EEA1: variants seen among roughly 807,000 people sequenced by gnomAD.
EEA1 encodes the protein early endosome antigen 1, 162kD.
In EEA1, 111 loss-of-function variants were observed where a neutral mutation model predicts 209.2. That is an observed-to-expected ratio of 0.53 (90% CI 0.45 to 0.62). The LOEUF (loss-of-function observed/expected upper bound fraction) is 0.62, where lower values mean the gene tolerates loss of function less well. Among genes scored for constraint, EEA1 ranks in the 20% least tolerant of loss-of-function variants. EEA1 has a pLI of 0.00. For missense variants in EEA1, 1,343 were observed against 1,530.8 expected (o/e 0.88, Z 2.05); for synonymous variants, 536 against 540.6 (o/e 0.99, Z 0.12).
chr12:92,873,308 G>A (rs1878732288), intron 2 of EEA1, among the ~76,000 whole-genome samples: 1 of 152,182 alleles, frequency 6.6e-6, no homozygotes, highest in Admixed American at 6.5e-5. Context: ...GAAAGACTGA[G>A]AGACTAGATG....
At chr12:92,901,574 T>G (rs1044482858) in intron 1 of EEA1, among the ~76,000 whole-genome samples, 9 of 151,818 alleles carry the variant, frequency 5.9e-5, no homozygotes, top group East Asian at 1.9e-4. Flanking sequence ...ACTTCTTGTT[T>G]TTTTTTTTTT....
Position 92,928,721 on chromosome 12 carries a change from C to T in EEA1, c.24+322G>A, listed in dbSNP as rs1449228816. ...CCCACGGGCACCAACTCTCCATTTT[C>T]ACTCCCACTCAGGGTTCCCGGGAGG... On this transcript the variant is annotated intron_variant, in intron 1 of 28. Transcript: ENST00000322349. Among the ~76,000 whole-genome samples the T allele has an allele frequency of 2.6e-5, 4 of 152,240 alleles. No individual in the cohort carries two copies. The East Asian group carries it at 7.8e-4, about 30-fold the overall frequency.
At chr12:92,799,351 A>T (rs1356379484) in intron 20 of EEA1, among the ~76,000 whole-genome samples, 1 of 151,986 alleles carries the variant, frequency 6.6e-6, no homozygotes, top group Non-Finnish European at 1.5e-5. Flanking sequence ...AATCTTTATT[A>T]TTTTTTTTAA....
At chr12:92,903,430 TC>T (rs1275589313) in intron 1 of EEA1, among the ~76,000 whole-genome samples, 1 of 151,464 alleles carries the variant, frequency 6.6e-6, no homozygotes, top group Non-Finnish European at 1.5e-5. Context: ...AAACCCCATC[TC>T]CACTAAAAAT....
rs528019357 is a variant in EEA1, at chr12:92,787,850, A to C, written c.3150+17T>G. 5.2e-6 allele frequency: 8 copies of C among 1,546,496 alleles called. 2 individuals are homozygous for C. The South Asian group carries it at 6.3e-5, about 12-fold the overall frequency. ...AAAACTTACTGAGACTTTATGGTAC[A>C]GTATAGTTTACTATACCTTAAGATC... On this transcript the variant is annotated intron_variant, in intron 22 of 28. Transcript: ENST00000322349.
In EEA1 at chr12:92,817,321, G is replaced by A. The variant is rs141253651; in HGVS notation, c.1729-921C>T. On this transcript the variant is annotated intron_variant, in intron 14 of 28. Coordinates refer to ENST00000322349, the MANE Select transcript of EEA1 (RefSeq NM_003566.4). ...ACATCCAATAAAATTTTCATTTCACGTTATTTTTGTTTTATCTCTAAAAGT... is the reference window on the plus strand; with the variant it reads ...ACATCCAATAAAATTTTCATTTCACATTATTTTTGTTTTATCTCTAAAAGT... Among the ~76,000 whole-genome samples the A allele has an allele frequency of 9.3e-5, 14 of 150,688 alleles. 1 individual carries two copies. The highest frequency in any genetic ancestry group is 2.9e-4 in the African/African-American group (12 of 41,124).
chr12:92,870,612 T>C (rs1878600020), intron 2 of EEA1, among the ~76,000 whole-genome samples: 1 of 152,174 alleles, frequency 6.6e-6, no homozygotes, highest in Non-Finnish European at 1.5e-5. Flanking sequence ...TCTAACGCTG[T>C]ATATTTTCCT....
chr12:92,788,694 AT>A (rs1452592617), intron 21 of EEA1, among the ~76,000 whole-genome samples: 3 of 152,182 alleles, frequency 2.0e-5, no homozygotes, highest in Non-Finnish European at 4.4e-5. Flanking sequence ...ACTACCTTCA[AT>A]AAAATTGCTG....
intron 2 of EEA1, among the ~76,000 whole-genome samples, chr12:92,865,299 G>C (rs1878329090): frequency 6.6e-6 from 1 of 151,426 alleles, no homozygotes; most frequent in Admixed American, 6.6e-5. Flanking sequence ...GAGAAGATTT[G>C]CCATCATATC....
At chr12:92,792,340 C>T (rs1055653627) in intron 21 of EEA1, among the ~76,000 whole-genome samples, 4 of 152,004 alleles carry the variant, frequency 2.6e-5, no homozygotes, top group Non-Finnish European at 5.9e-5. Flanking sequence ...AATGCAGGAG[C>T]TGGTTTTTTG....
chr12:92,886,736 C>T (rs543812767), intron 2 of EEA1, among the ~76,000 whole-genome samples: 9 of 152,178 alleles, frequency 5.9e-5, no homozygotes, highest in Non-Finnish European at 1.0e-4. Context: ...CGGTGGCTCA[C>T]GCCTGTAATC....
intron 1 of EEA1, among the ~76,000 whole-genome samples, chr12:92,926,221 G>A (rs1246765218): frequency 2.6e-5 from 4 of 151,838 alleles, no homozygotes; most frequent in Non-Finnish European, 5.9e-5. Flanking sequence ...TCGAACTCCC[G>A]ACCTCAGGTG....
At chr12:92,876,763 C>G (rs752645139) in intron 2 of EEA1, among the ~76,000 whole-genome samples, 1 of 147,652 alleles carries the variant, frequency 6.8e-6, no homozygotes, top group South Asian at 2.1e-4. Flanking sequence ...TCGATATGCC[C>G]GGATCAGAGT....
At chr12:92,791,269 A>G (rs1874390707) in intron 21 of EEA1, among the ~76,000 whole-genome samples, 1 of 152,240 alleles carries the variant, frequency 6.6e-6, no homozygotes, top group African/African-American at 2.4e-5. Context: ...ATTCACACAT[A>G]ACAATATTAA....
rs779448623 is a variant in EEA1 at position 92,826,176 on chromosome 12, C to T, written c.1514G>A (p.Arg505Gln). The change falls in exon 13 of 29, where the codon CGA becomes CAA. Residue 505 changes from arginine to glutamine, a missense_variant. Physicochemically the swap from Arg to Gln is conservative, Grantham distance 43 (BLOSUM62 1). Transcript: ENST00000322349. ...GCAACTAATGTTTACCTGAGCTTCT[C>T]GAAGTTTTGCCGTGGTGCTTTGCTG... The part of the protein sequence containing the change: ...ALQQSTTAKL[R>Q]EAQNDLEQVL... The T allele has an allele frequency of 5.0e-6, 8 of 1,613,008 alleles. No homozygotes were observed. Among genetic ancestry groups the T allele is most frequent in the Non-Finnish European group, 5.1e-6 (6 of 1,179,324 alleles).
Position 92,809,382 on chromosome 12 carries a change from T to C in EEA1, c.2200-226A>G, listed in dbSNP as rs936863701. On this transcript the variant is annotated intron_variant, in intron 17 of 28. Transcript: ENST00000322349. ...ATACATGATAGACTGCCACTAAGTG[T>C]TGGTGTTTAAAATTAATTCTGGGCT... Among the ~76,000 whole-genome samples the C allele has an allele frequency of 7.9e-5, 12 of 151,476 alleles. No homozygotes were observed. The East Asian group carries it at 1.2e-3, about 15-fold the overall frequency.
At chr12:92,924,875 A>C (rs1881150555) in intron 1 of EEA1, among the ~76,000 whole-genome samples, 1 of 151,262 alleles carries the variant, frequency 6.6e-6, no homozygotes, top group Non-Finnish European at 1.5e-5. Context: ...AACTACTCAA[A>C]AAGAAAATCA....
chr12:92,823,752 C>CAAATAAGAAA (rs1876167908), intron 13 of EEA1, among the ~76,000 whole-genome samples: 1 of 152,154 alleles, frequency 6.6e-6, no homozygotes, highest in African/African-American at 2.4e-5. Flanking sequence ...AAACAAATAA[C>CAAATAAGAAA]CATGTTCAAC....
intron 17 of EEA1, among the ~76,000 whole-genome samples, chr12:92,810,646 T>C (rs1565817558): frequency 6.6e-6 from 1 of 151,636 alleles, no homozygotes; most frequent in African/African-American, 2.4e-5. Context: ...AGTAGCTCAA[T>C]TTTTAAAAAT....
Sources: gnomAD v4.1 joint callset for allele counts (sites outside exome capture counted in the v4.1 genomes callset) on GRCh38, gnomAD v4.1.1 for gene constraint, MANE v1.5 for transcripts, NCBI Gene and HGNC (gene_info 2026-07-23, HGNC 2026-07-21) for gene names.